Variants in ULK4 observed in about 807,000 individuals in gnomAD.
The protein encoded by ULK4 is inactive serine/threonine-protein kinase ULK4.
Under a neutral mutation model 160.6 loss-of-function variants are expected in ULK4, and 133 were observed. That is an observed-to-expected ratio of 0.83 (90% CI 0.72 to 0.96). The LOEUF (loss-of-function observed/expected upper bound fraction) is 0.96. ULK4 is among the 40% of genes least tolerant of loss of function. ULK4 has a pLI of 0.00. For missense variants in ULK4, 1,580 were observed against 1,499.5 expected (o/e 1.05, Z -0.89); for synonymous variants, 534 against 539.8 (o/e 0.99, Z 0.15).
chr3:41,712,279 T>A (rs531251527), intron 25 of ULK4, among the ~76,000 whole-genome samples: 1 of 152,176 alleles, frequency 6.6e-6, no homozygotes, highest in East Asian at 1.9e-4. Context: ...ACAGTTCCAA[T>A]CCCCGCTTCT....
At chr3:41,794,700 A>AC (rs1553654863) in intron 20 of ULK4, among the ~76,000 whole-genome samples, 1 of 148,628 alleles carries the variant, frequency 6.7e-6, no homozygotes, top group Non-Finnish European at 1.5e-5. Flanking sequence ...AGAAAAAAAA[A>AC]CCACAAACCT....
intron 34 of ULK4, among the ~76,000 whole-genome samples, chr3:41,423,232 A>C (rs1013877916): frequency 2.0e-5 from 3 of 152,210 alleles, no homozygotes; most frequent in Non-Finnish European, 4.4e-5. Context: ...CTGGGGGTGG[A>C]GTCACGACAG....
chr3:41,500,383 A>G (rs1263739688), intron 32 of ULK4, among the ~76,000 whole-genome samples: 1 of 150,950 alleles, frequency 6.6e-6, no homozygotes, highest in Non-Finnish European at 1.5e-5. Context: ...CTATACAAAA[A>G]TCTTTATTTC....
At chr3:41,755,223 A>C (rs2038760244) in intron 21 of ULK4, among the ~76,000 whole-genome samples, 1 of 152,140 alleles carries the variant, frequency 6.6e-6, no homozygotes, top group Admixed American at 6.5e-5. Flanking sequence ...TTCCCAAGAG[A>C]GCTTAAGAGA....
At chr3:41,702,230 C>T (rs1489759794) in intron 27 of ULK4, among the ~76,000 whole-genome samples, 1 of 152,016 alleles carries the variant, frequency 6.6e-6, no homozygotes, top group African/African-American at 2.4e-5. Context: ...CTTGAACCTC[C>T]ACCTCCCAGA....
At chr3:41,820,982 T>G (rs1271402512) in intron 18 of ULK4, among the ~76,000 whole-genome samples, 1 of 151,998 alleles carries the variant, frequency 6.6e-6, no homozygotes, top group Non-Finnish European at 1.5e-5. Context: ...CAAACACAAC[T>G]TTCTTTCCTT....
chr3:41,952,306 A>G (rs1361357217), intron 2 of ULK4, among the ~76,000 whole-genome samples: 1 of 152,248 alleles, frequency 6.6e-6, no homozygotes, highest in Non-Finnish European at 1.5e-5. Context: ...CATATATCTG[A>G]TAACAGATTA....
intron 32 of ULK4, among the ~76,000 whole-genome samples, chr3:41,479,647 A>T (rs1299058833): frequency 6.6e-6 from 1 of 152,138 alleles, no homozygotes; most frequent in Non-Finnish European, 1.5e-5. Flanking sequence ...AATTGTGGGA[A>T]GGCTAGAAGC....
At chr3:41,523,472 T>C (rs1330197120) in intron 32 of ULK4, among the ~76,000 whole-genome samples, 1 of 152,186 alleles carries the variant, frequency 6.6e-6, no homozygotes, top group Non-Finnish European at 1.5e-5. Flanking sequence ...GCCACAAAAT[T>C]GTAACATTAA....
At chr3:41,928,219 T>G (rs1054698320) in intron 5 of ULK4, among the ~76,000 whole-genome samples, 2 of 152,110 alleles carry the variant, frequency 1.3e-5, no homozygotes, top group Non-Finnish European at 2.9e-5. Flanking sequence ...CACAACTACA[T>G]GGAAACTGAA....
intron 18 of ULK4, among the ~76,000 whole-genome samples, chr3:41,825,883 A>G (rs569915088): frequency 3.0e-4 from 45 of 152,328 alleles, no homozygotes; most frequent in African/African-American, 1.0e-3. Flanking sequence ...TGAAATGAAG[A>G]ACAAAATGTT....
chr3:41,246,864 C>T lies in ULK4; in HGVS notation c.*65G>A, dbSNP rs2078652815. The stretch of plus-strand genomic sequence containing the variant: ...GGGATGTGGCAAAGGTGTCTGGGAG[C>T]TGACCTTGCTTATGCATCCGAGGGC... On this transcript the variant is annotated 3_prime_UTR_variant, in exon 37 of 37. Transcript: ENST00000301831. 1 of 1,570,874 alleles carries T rather than the reference C, an allele frequency of 6.4e-7. No individual in the cohort carries two copies. The highest frequency in any genetic ancestry group is 2.3e-5 in the East Asian group (1 of 43,806).
intron 35 of ULK4, among the ~76,000 whole-genome samples, chr3:41,325,185 G>A (rs746918092): frequency 6.5e-4 from 99 of 152,196 alleles, no homozygotes; most frequent in Admixed American, 1.3e-3. Flanking sequence ...TAAAAGATGG[G>A]TATAATGGCA....
chr3:41,514,130 T>C (rs1037417025), intron 32 of ULK4, among the ~76,000 whole-genome samples: 1 of 152,166 alleles, frequency 6.6e-6, no homozygotes, highest in East Asian at 1.9e-4. Context: ...TTTAAAAAAA[T>C]TGAAAAGGAA....
intron 35 of ULK4, among the ~76,000 whole-genome samples, chr3:41,283,720 T>C (rs9853680): frequency 0.57 from 85,700 of 151,532 alleles, 26,171 homozygotes; most frequent in African/African-American, 0.82. Context: ...GTGCAGCAAA[T>C]CAACATGGCA....
At chr3:41,932,105 C>A in intron 4 of ULK4, 99 bp from the exon 5 acceptor site, 2 of 1,028,308 alleles carry the variant, frequency 1.9e-6, no homozygotes, top group Admixed American at 3.1e-5. Flanking sequence ...TTCAGCATTG[C>A]TATTCTTTAT....
At chr3:41,690,687 T>C (rs367633055) in intron 27 of ULK4, among the ~76,000 whole-genome samples, 61 of 151,910 alleles carry the variant, frequency 4.0e-4, no homozygotes, top group African/African-American at 1.4e-3. Flanking sequence ...TCCAGGGTTC[T>C]ACGCCACTCC....
At chr3:41,928,914 A>C (rs377190031) in intron 5 of ULK4, among the ~76,000 whole-genome samples, 4 of 152,130 alleles carry the variant, frequency 2.6e-5, no homozygotes, top group Admixed American at 2.6e-4. Flanking sequence ...GGAGGTACAA[A>C]GAGGGGCTGA....
At chr3:41,814,435 C>G (rs902390371) in intron 19 of ULK4, among the ~76,000 whole-genome samples, 9 of 152,228 alleles carry the variant, frequency 5.9e-5, no homozygotes, top group Middle Eastern at 3.4e-3. Context: ...TTCCTTATGG[C>G]TCAGTACGTA....
Sources: allele counts gnomAD v4.1 joint callset (sites outside exome capture counted in the v4.1 genomes callset), GRCh38; gene constraint gnomAD v4.1.1; transcripts MANE v1.5; gene names NCBI Gene and HGNC (gene_info 2026-07-23, HGNC 2026-07-21).